EPS8: variants seen among roughly 807,000 people sequenced by gnomAD.
EPS8 encodes epidermal growth factor receptor kinase substrate 8.
A neutral mutation model predicts 103.8 loss-of-function variants in EPS8; 42 were observed. The ratio of observed to expected loss-of-function variants is 0.40; its 90% confidence interval spans 0.32 to 0.52. The LOEUF (loss-of-function observed/expected upper bound fraction) is 0.52. EPS8 is among the 20% of genes least tolerant of loss of function. EPS8 has a pLI of 0.40. For synonymous variants in EPS8, 344 were observed against 344.6 expected (o/e 1.00, Z 0.02); for missense variants, 969 against 1,005.1 (o/e 0.96, Z 0.49).
chr12:15,762,737 T>C lies in EPS8; in HGVS notation c.-22+26424A>G, dbSNP rs993080796. 2.6e-5 allele frequency among the ~76,000 whole-genome samples: 4 copies of C among 152,082 alleles called. No homozygotes were observed. The highest frequency in any genetic ancestry group is 7.2e-5 in the African/African-American group (3 of 41,420). ...CTAGAAATAAAAACAATTGAACTCA[T>C]GGAGAGAGAGTATAGAAGGATGGTT... On this transcript the variant is annotated intron_variant, in intron 1 of 20. Coordinates refer to ENST00000281172, the MANE Select transcript of EPS8 (RefSeq NM_004447.6). The surrounding 1 kb of genome is among the most constrained non-coding windows in gnomAD (Gnocchi z 4.8).
At chr12:15,766,747 G>A (rs1227228920) in intron 1 of EPS8, among the ~76,000 whole-genome samples, 1 of 151,754 alleles carries the variant, frequency 6.6e-6, no homozygotes, top group African/African-American at 2.4e-5. Context: ...CCTTATCCGA[G>A]TTAAAGCTAA....
In EPS8 at chr12:15,727,816, C is replaced by A. The variant is rs1295504248; in HGVS notation, c.-21-44844G>T. Reference sequence around the variant, plus strand: ...GAGGTTGCAGTGAGCCAAGGTTGTGCCACTGCACTCCAGCCTGGGCGACAG... The same window carrying A: ...GAGGTTGCAGTGAGCCAAGGTTGTGACACTGCACTCCAGCCTGGGCGACAG... On this transcript the variant is annotated intron_variant, in intron 1 of 20. Transcript: ENST00000281172. This position sits in a 1 kb window ranked among gnomAD's most constrained non-coding sequence, Gnocchi z 4.3. 2.0e-5 allele frequency among the ~76,000 whole-genome samples: 3 copies of A among 152,142 alleles called. No individual in the cohort carries two copies. Among genetic ancestry groups the A allele is most frequent in the African/African-American group, 7.2e-5 (3 of 41,428 alleles).
At chr12:15,663,954 T>TAATA (rs1565487338) in intron 8 of EPS8, among the ~76,000 whole-genome samples, 1,316 of 22,098 alleles carry the variant, frequency 0.06, 48 homozygotes, top group African/African-American at 0.12. Context: ...AAATAATATA[T>TAATA]ATATATATAT....
rs558408562 is a variant in EPS8 at position 15,778,560 on chromosome 12, T to C, written c.-22+10601A>G. ...GACCACGCAACAGAGGTTCTGAGAATACAGATAAACACTAAAACAGTAAGG... is the reference window on the plus strand; with the variant it reads ...GACCACGCAACAGAGGTTCTGAGAACACAGATAAACACTAAAACAGTAAGG... On this transcript the variant is annotated intron_variant, in intron 1 of 20. Coordinates refer to ENST00000281172, the MANE Select transcript of EPS8 (RefSeq NM_004447.6). This position sits in a 1 kb window ranked among gnomAD's most constrained non-coding sequence, Gnocchi z 4.5. Among the ~76,000 whole-genome samples, 4 of 152,290 alleles carry C rather than the reference T, an allele frequency of 2.6e-5. 1 individual carries two copies. In the South Asian group the frequency reaches 8.3e-4, roughly 32 times the overall value.
At chr12:15,739,577 A>C (rs1946799300) in intron 1 of EPS8, among the ~76,000 whole-genome samples, 2 of 151,972 alleles carry the variant, frequency 1.3e-5, no homozygotes, top group Admixed American at 1.3e-4. Flanking sequence ...CCGACCTTGG[A>C]TGTTAGAACT....
chr12:15,705,979 G>A (rs1256053214), intron 1 of EPS8, among the ~76,000 whole-genome samples: 1 of 151,524 alleles, frequency 6.6e-6, no homozygotes, highest in East Asian at 1.9e-4. Flanking sequence ...TGTACAATCA[G>A]AGGCACATGT....
intron 1 of EPS8, among the ~76,000 whole-genome samples, chr12:15,758,888 T>C (rs373558268): frequency 3.6e-4 from 55 of 152,222 alleles, no homozygotes; most frequent in African/African-American, 1.3e-3. Context: ...TATACATACA[T>C]GTATACAAGG....
At chr12:15,715,300 C>T (rs1021580323) in intron 1 of EPS8, among the ~76,000 whole-genome samples, 1 of 152,044 alleles carries the variant, frequency 6.6e-6, no homozygotes, top group Non-Finnish European at 1.5e-5. Context: ...CATGGCAGCC[C>T]AACATCCCCC....
chr12:15,741,977 C>T lies in EPS8; in HGVS notation c.-22+47184G>A, dbSNP rs190630092. Among the ~76,000 whole-genome samples, 1,003 of 152,260 alleles carry T rather than the reference C, an allele frequency of 6.6e-3. 8 individuals carry two copies. The highest frequency in any genetic ancestry group is 0.044 in the Middle Eastern group (13 of 294). On this transcript the variant is annotated intron_variant, in intron 1 of 20. Transcript: ENST00000281172. ...GAACATGCAGTGTTTGGTTTTCTGT[C>T]CTTGCGATAGTTTGCTCAGAATTAT...
Position 15,624,345 on chromosome 12 carries a change from T to C in EPS8, c.2107A>G (p.Ser703Gly), listed in dbSNP as rs1339507042. The change falls in exon 19 of 21, where the codon AGT becomes GGT. Residue 703 changes from serine (S) to glycine (G), a missense_variant. Ser to Gly is a moderately conservative substitution (Grantham distance 56). Coordinates refer to ENST00000281172, the MANE Select transcript of EPS8 (RefSeq NM_004447.6). The stretch of plus-strand genomic sequence containing the variant: ...ACATGGAATTTCTTCTGAGCGGCAC[T>C]CCGACCAATGGTCAGTCTGTGGATG... The part of the protein sequence containing the change: ...ELIHRLTIGR[S>G]AAQKKFHVPR... The C allele has an allele frequency of 1.2e-6, 2 of 1,609,364 alleles. No homozygotes were observed. Among genetic ancestry groups the C allele is most frequent in the Non-Finnish European group, 8.5e-7 (1 of 1,176,826 alleles).
At chr12:15,627,155 A>G (rs7309160) in intron 18 of EPS8, among the ~76,000 whole-genome samples, 152,109 of 152,196 alleles carry the variant, frequency 1, 76,011 homozygotes, top group Middle Eastern at 1. Flanking sequence ...GTGTGCCACC[A>G]TGCCCATGCC....
intron 1 of EPS8, among the ~76,000 whole-genome samples, chr12:15,686,229 TTAAG>T (rs755411789): frequency 5.3e-5 from 8 of 152,226 alleles, no homozygotes; most frequent in African/African-American, 1.2e-4. Flanking sequence ...TTTCTCCTTC[TTAAG>T]TATTTTCTCT....
At chr12:15,754,674 T>A (rs1373835221) in intron 1 of EPS8, among the ~76,000 whole-genome samples, 4 of 152,242 alleles carry the variant, frequency 2.6e-5, no homozygotes, top group African/African-American at 9.6e-5. Context: ...CAACTTCATG[T>A]GTTCCAAGTA....
rs1304212880 is a variant in EPS8 at position 15,693,051 on chromosome 12, T to C, written c.-21-10079A>G. 6.6e-6 allele frequency among the ~76,000 whole-genome samples: 1 copy of C among 152,200 alleles called. No individual in the cohort carries two copies. The highest frequency in any genetic ancestry group is 2.4e-5 in the African/African-American group (1 of 41,448). ...AGGTGATTACTGGTTATTACTCATA[T>C]TGAAGATGAAGCCCTAAAAAGGTGG... On this transcript the variant is annotated intron_variant, in intron 1 of 20. Transcript: ENST00000281172. This position sits in a 1 kb window ranked among gnomAD's most constrained non-coding sequence, Gnocchi z 5.6.
chr12:15,719,088 C>T (rs1392201369), intron 1 of EPS8, among the ~76,000 whole-genome samples: 1 of 152,020 alleles, frequency 6.6e-6, no homozygotes, highest in Non-Finnish European at 1.5e-5. Flanking sequence ...ACTGTGAATG[C>T]TGATAAGGTG....
At chr12:15,649,816 T>C (rs1049332891) in intron 14 of EPS8, among the ~76,000 whole-genome samples, 1 of 152,186 alleles carries the variant, frequency 6.6e-6, no homozygotes, top group African/African-American at 2.4e-5. Flanking sequence ...TAATACACCA[T>C]GGTTTGACAA....
chr12:15,746,856 C>T (rs1195079128), intron 1 of EPS8, among the ~76,000 whole-genome samples: 1 of 152,126 alleles, frequency 6.6e-6, no homozygotes, highest in Non-Finnish European at 1.5e-5. Context: ...AGCATATACT[C>T]CTACTGTCCA....
Position 15,717,453 on chromosome 12 carries a change from G to A in EPS8, c.-21-34481C>T, listed in dbSNP as rs1946544925. Among the ~76,000 whole-genome samples the A allele has an allele frequency of 6.6e-6, 1 of 152,130 alleles. No homozygotes were observed. The highest frequency in any genetic ancestry group is 6.5e-5 in the Admixed American group (1 of 15,272). On this transcript the variant is annotated intron_variant, in intron 1 of 20. Coordinates refer to ENST00000281172, the MANE Select transcript of EPS8 (RefSeq NM_004447.6). The surrounding 1 kb of genome is among the most constrained non-coding windows in gnomAD (Gnocchi z 4.3). ...AATACAAAAATTAGCTGGGCGCGGT[G>A]GCACGTGCCTGTAATCCCAGCTACT...
chr12:15,695,594 A>G lies in EPS8; in HGVS notation c.-21-12622T>C, dbSNP rs1946232073. Among the ~76,000 whole-genome samples the G allele has an allele frequency of 6.6e-6, 1 of 152,268 alleles. No homozygotes were observed. Among genetic ancestry groups the G allele is most frequent in the Admixed American group, 6.5e-5 (1 of 15,282 alleles). ...TAACAGCTACCACACTAGACAGGGT[A>G]GCTCTACATATTGAGTGCATGGTTA... On this transcript the variant is annotated intron_variant, in intron 1 of 20. Coordinates refer to ENST00000281172, the MANE Select transcript of EPS8 (RefSeq NM_004447.6). This position sits in a 1 kb window ranked among gnomAD's most constrained non-coding sequence, Gnocchi z 5.0.
Sources: allele counts gnomAD v4.1 joint callset (sites outside exome capture counted in the v4.1 genomes callset), GRCh38; gene constraint gnomAD v4.1.1; non-coding constraint Gnocchi (gnomAD v3.1); transcripts MANE v1.5; gene names NCBI Gene and HGNC (gene_info 2026-07-23, HGNC 2026-07-21).